The following SORD variants were observed in gnomAD, a reference collection of about 807,000 sequenced individuals.
SORD encodes (R,R)-butanediol dehydrogenase.
SORD carries 18 observed loss-of-function variants against 35.6 expected under a neutral mutation model. The ratio of observed to expected loss-of-function variants is 0.51; its 90% CI spans 0.35 to 0.75. The LOEUF (loss-of-function observed/expected upper bound fraction) is 0.75, where lower values mean the gene tolerates loss of function less well. SORD is among the 30% of genes least tolerant of loss of function. SORD has a pLI of 0.01. For missense variants in SORD, 250 were observed against 390.2 expected (o/e 0.64, Z 3.03); for synonymous variants, 106 against 152.9 (o/e 0.69, Z 2.26).
chr15:45,047,019 A>G (rs990394836), intron 3 of SORD: 3 of 152,156 alleles, frequency 2.0e-5, no homozygotes, highest in Non-Finnish European at 4.4e-5. Context: ...CTCTGTCTCA[A>G]ATAAATAAAT....
chr15:45,023,420 G>A, intron 1 of SORD, 71 bp downstream of exon 1: 1 of 1,290,338 alleles, frequency 7.7e-7, no homozygotes, highest in Non-Finnish European at 1.0e-6. Context: ...CCATAGTCCT[G>A]GCTTCCCACT....
In SORD at chr15:45,068,051, C is replaced by G; in HGVS notation, c.545-130C>G. 3 of 728,896 alleles carry G rather than the reference C, an allele frequency of 4.1e-6. No individual in the cohort carries two copies. In the South Asian group the frequency reaches 4.5e-5, roughly 11 times the overall value. 45.2% of individuals were successfully genotyped at this position (728,896 alleles called of 1,614,324 possible). ...GCATTCAACAAACAGCCGCTAAGGT[C>G]TTATCATGCCAGGCACTGGGATAGA... On this transcript the variant is annotated intron_variant, in intron 5 of 8. Transcript: ENST00000267814.
In SORD at chr15:45,023,247, C is replaced by T. The variant is rs1487997174; in HGVS notation, c.-37C>T. The T allele has an allele frequency of 5.3e-6, 8 of 1,514,748 alleles. No individual in the cohort carries two copies. The highest frequency in any genetic ancestry group is 4.4e-5 in the Admixed American group (2 of 45,452). The allele number at this position is 1,514,748 out of a possible 1,614,324, so 93.8% of individuals were successfully genotyped here. On this transcript the variant is annotated 5_prime_UTR_variant, in exon 1 of 9. Coordinates refer to ENST00000267814, the MANE Select transcript of SORD (RefSeq NM_003104.6). ...GCCACCAGAGCGACCAAACGTCCCG[C>T]GCCTTCCAGGCCGCACTCCAGAGCC...
chr15:45,061,561 G>C (rs1289697839), intron 4 of SORD, among the ~76,000 whole-genome samples: 2 of 152,034 alleles, frequency 1.3e-5, no homozygotes, highest in Non-Finnish European at 1.5e-5. Context: ...GCAACCACCA[G>C]AAACGTCATA....
In SORD at chr15:45,033,072, T is replaced by C. The variant is rs1892811382; in HGVS notation, c.67-7336T>C. The stretch of plus-strand genomic sequence containing the variant: ...GACAGTGGGAGCACATTGCACTCTT[T>C]CCACAACTGGCAGAGTCAAGCCTAA... On this transcript the variant is annotated intron_variant, in intron 1 of 8. Transcript: ENST00000267814. 4.6e-5 allele frequency among the ~76,000 whole-genome samples: 7 copies of C among 151,934 alleles called. No homozygotes were observed. In the South Asian group the frequency reaches 1.3e-3, roughly 27 times the overall value.
intron 3 of SORD, among the ~76,000 whole-genome samples, chr15:45,059,181 CCTAA>C (rs1291259386): frequency 3.9e-5 from 6 of 152,010 alleles, no homozygotes; most frequent in South Asian, 2.1e-4. Context: ...GAGGACCTGC[CCTAA>C]CTGTCTGCCT....
chr15:45,048,232 C>T (rs12441189), intron 3 of SORD, among the ~76,000 whole-genome samples: 132,783 of 152,158 alleles, frequency 0.87, 57,999 homozygotes, highest in Middle Eastern at 0.92. Context: ...ATAAGTAATG[C>T]CCTTCTAGAT....
At chr15:45,045,071 C>A (rs922071296) in intron 3 of SORD, among the ~76,000 whole-genome samples, 2 of 152,106 alleles carry the variant, frequency 1.3e-5, no homozygotes, top group Non-Finnish European at 2.9e-5. Context: ...GAAATTGAAG[C>A]CTGGTTATTG....
rs561212188 is a variant in SORD, at chr15:45,064,275, G to A, written c.426-996G>A. 2.4e-4 allele frequency among the ~76,000 whole-genome samples: 36 copies of A among 152,304 alleles called. 1 individual carries two copies. The highest frequency in any genetic ancestry group is 1.2e-3 in the South Asian group (6 of 4,828). On this transcript the variant is annotated intron_variant, in intron 4 of 8. Coordinates refer to ENST00000267814, the MANE Select transcript of SORD (RefSeq NM_003104.6). The stretch of plus-strand genomic sequence containing the variant: ...TGTGGAATCAGGACACCTTGGTTAA[G>A]TCTGGCCTTCATTCCCTAGCTTCAT...
At chr15:45,047,219 A>T (rs1222193721) in intron 3 of SORD, 1 of 152,066 alleles carries the variant, frequency 6.6e-6, no homozygotes, top group Non-Finnish European at 1.5e-5. Flanking sequence ...ACCAGCCTTC[A>T]CCACTTATTT....
At chr15:45,056,875 T>C (rs1893226134) in intron 3 of SORD, among the ~76,000 whole-genome samples, 1 of 152,188 alleles carries the variant, frequency 6.6e-6, no homozygotes, top group Non-Finnish European at 1.5e-5. Context: ...ACAGGTGTAG[T>C]AATTGTGGGT....
intron 1 of SORD, among the ~76,000 whole-genome samples, chr15:45,034,766 C>T (rs985857185): frequency 5.9e-5 from 9 of 152,242 alleles, no homozygotes; most frequent in African/African-American, 1.9e-4. Context: ...ACCACTGCAC[C>T]GTGGGAGCCC....
intron 1 of SORD, among the ~76,000 whole-genome samples, chr15:45,034,565 C>T (rs113264669): frequency 0.047 from 7,154 of 152,314 alleles, 194 homozygotes; most frequent in South Asian, 0.12. Flanking sequence ...TTCCATGTCC[C>T]CGCAGAGAGT....
chr15:45,064,759 A>G (rs1028232398), intron 4 of SORD, among the ~76,000 whole-genome samples: 1 of 152,234 alleles, frequency 6.6e-6, no homozygotes, highest in African/African-American at 2.4e-5. Context: ...TGTAAGTTTG[A>G]GAAGCAGATG....
intron 4 of SORD, among the ~76,000 whole-genome samples, chr15:45,063,126 T>C (rs1219956012): frequency 1.4e-5 from 2 of 145,852 alleles, no homozygotes; most frequent in Non-Finnish European, 3.0e-5. Flanking sequence ...TGGGGAGTCC[T>C]ACAGCCCTGC....
chr15:45,038,041 C>T (rs1451355252), intron 1 of SORD, among the ~76,000 whole-genome samples: 1 of 151,966 alleles, frequency 6.6e-6, no homozygotes, highest in African/African-American at 2.4e-5. Flanking sequence ...GTGGGACCAG[C>T]AACAACTTTG....
In SORD at chr15:45,073,613, C is replaced by G; in HGVS notation, c.*83C>G. On this transcript the variant is annotated 3_prime_UTR_variant, in exon 9 of 9. Transcript: ENST00000267814. The stretch of plus-strand genomic sequence containing the variant: ...GACATGGGTGGGCTCTGATGCAGAA[C>G]TTTCTCTTTTGAATGTTAAGAATAA... 2.8e-6 allele frequency: 4 copies of G among 1,449,148 alleles called. No homozygotes were observed. Among genetic ancestry groups the G allele is most frequent in the South Asian group, 2.7e-5 (2 of 74,144 alleles). 89.8% of individuals were successfully genotyped at this position (1,449,148 alleles called of 1,614,324 possible).
chr15:45,074,259 C>A lies in SORD; in HGVS notation c.*729C>A, dbSNP rs1893559534. The A allele has an allele frequency of 6.8e-6, 1 of 147,496 alleles. No individual in the cohort carries two copies. Among genetic ancestry groups the A allele is most frequent in the Admixed American group, 6.7e-5 (1 of 15,004 alleles). The allele number at this position is 147,496 out of a possible 1,614,324, so 9.1% of individuals were successfully genotyped here. ...CTGAGAATTGTGTTATTTCACTTGC[C>A]AAGTGAAGGACCCCCTCCCCAACAT... is the stretch of plus-strand genomic sequence containing the variant. On this transcript the variant is annotated 3_prime_UTR_variant, in exon 9 of 9. Coordinates refer to ENST00000267814, the MANE Select transcript of SORD (RefSeq NM_003104.6).
At chr15:45,027,868 C>A (rs11632296) in intron 1 of SORD, among the ~76,000 whole-genome samples, 2,757 of 152,120 alleles carry the variant, frequency 0.018, 17 homozygotes, top group Middle Eastern at 0.031. Context: ...TAAGGAAATG[C>A]GGGGAATTAA....
Sources: gnomAD v4.1 joint callset for allele counts (sites outside exome capture counted in the v4.1 genomes callset) on GRCh38, gnomAD v4.1.1 for gene constraint, MANE v1.5 for transcripts, NCBI Gene and HGNC (gene_info 2026-07-23, HGNC 2026-07-21) for gene names.